The following TRPC1 variants were observed in gnomAD, a reference collection of about 807,000 sequenced individuals.
TRPC1 encodes the protein short transient receptor potential channel 1.
TRPC1 carries 42 observed loss-of-function variants against 88.2 expected under a neutral mutation model. That is an observed-to-expected ratio of 0.48 (90% CI 0.37 to 0.62). The LOEUF is 0.62. Among genes scored for constraint, TRPC1 ranks in the 20% least tolerant of loss-of-function variants. The pLI is 0.00. For synonymous variants in TRPC1, 288 were observed against 331.8 expected, an observed-to-expected ratio of 0.87 and a Z score of 1.43; for missense variants, 699 against 957.3, an observed-to-expected ratio of 0.73 and a Z score of 3.56.
At chr3:142,763,228 T>G (rs936842307) in intron 4 of TRPC1, among the ~76,000 whole-genome samples, 1 of 152,104 alleles carries the variant, frequency 6.6e-6, no homozygotes, top group Admixed American at 6.6e-5. Context: ...TTGTTGATTT[T>G]CTGTCTAGAT....
chr3:142,804,324 G>C, intron 11 of TRPC1, 112 bp from the exon 12 acceptor site: 1 of 1,155,178 alleles, frequency 8.7e-7, no homozygotes, highest in East Asian at 2.7e-5. Flanking sequence ...TGTAAGTAAT[G>C]TATAATAATT....
intron 2 of TRPC1, among the ~76,000 whole-genome samples, chr3:142,737,835 A>G (rs1934196626): frequency 6.6e-6 from 1 of 152,154 alleles, no homozygotes; most frequent in South Asian, 2.1e-4. Flanking sequence ...GAAAGACTGT[A>G]TATATGTGTG....
In TRPC1 at chr3:142,724,138, A is replaced by C. The variant is rs1261407918; in HGVS notation, c.-422A>C. ...CACAGCCCTGGAGCCCAACGTGCGC[A>C]GAAGCGCCTCTTGGAGCTCCTCTCC... is the stretch of plus-strand genomic sequence containing the variant. On this transcript the variant is annotated 5_prime_UTR_variant, in exon 1 of 13. Coordinates refer to ENST00000476941, the MANE Select transcript of TRPC1 (RefSeq NM_001251845.2). This position sits in a 1 kb window ranked among gnomAD's most constrained non-coding sequence, Gnocchi z 5.6. 1 of 152,358 alleles carries C rather than the reference A, an allele frequency of 6.6e-6. No individual in the cohort carries two copies. Among genetic ancestry groups the C allele is most frequent in the East Asian group, 1.9e-4 (1 of 5,186 alleles). 9.4% of individuals were successfully genotyped at this position (152,358 alleles called of 1,614,324 possible). A position where few individuals can be genotyped will look rare whatever the true frequency, so the allele number is the denominator to read the frequency against.
At chr3:142,728,763 T>A (rs932381225) in intron 1 of TRPC1, among the ~76,000 whole-genome samples, 1 of 152,268 alleles carries the variant, frequency 6.6e-6, no homozygotes, top group South Asian at 2.1e-4. Context: ...TGCTGTTTTT[T>A]AAACACCTTA....
chr3:142,766,467 C>T (rs1323720631), intron 4 of TRPC1, among the ~76,000 whole-genome samples: 6 of 149,578 alleles, frequency 4.0e-5, no homozygotes, highest in East Asian at 3.9e-4. Context: ...GTGTTGCGAT[C>T]TCAGCTCACT....
intron 1 of TRPC1, among the ~76,000 whole-genome samples, chr3:142,730,850 G>A (rs1933875632): frequency 6.6e-6 from 1 of 152,028 alleles, no homozygotes; most frequent in Non-Finnish European, 1.5e-5. Flanking sequence ...CAGAAACTTG[G>A]TTTGAAAAGC....
chr3:142,753,392 C>T (rs906051894), intron 4 of TRPC1, among the ~76,000 whole-genome samples: 1 of 152,104 alleles, frequency 6.6e-6, no homozygotes, highest in African/African-American at 2.4e-5. Context: ...AACATTTGTA[C>T]GAAATGGCAA....
At chr3:142,797,787 T>C (rs1032040168) in intron 9 of TRPC1, among the ~76,000 whole-genome samples, 2 of 152,142 alleles carry the variant, frequency 1.3e-5, no homozygotes, top group African/African-American at 4.8e-5. Context: ...TCCATTCCTT[T>C]TATAGTTAGT....
In TRPC1 at chr3:142,806,978, C is replaced by T. The variant is rs1936813360; in HGVS notation, c.*743C>T. Reference sequence around the variant, plus strand: ...AGAATTATATAGTTTTTGAAAAATACAGTCAGTAGATGTTTTATTTTTTAG... The same window carrying T: ...AGAATTATATAGTTTTTGAAAAATATAGTCAGTAGATGTTTTATTTTTTAG... On this transcript the variant is annotated 3_prime_UTR_variant, in exon 13 of 13. Transcript: ENST00000476941. The T allele has an allele frequency of 6.6e-6, 1 of 151,896 alleles. No homozygotes were observed. The highest frequency in any genetic ancestry group is 2.1e-4 in the South Asian group (1 of 4,826). 9.4% of individuals were successfully genotyped at this position (151,896 alleles called of 1,614,324 possible). A position where few individuals can be genotyped will look rare whatever the true frequency, so the allele number is the denominator to read the frequency against.
chr3:142,732,312 C>T (rs918957242), intron 1 of TRPC1, among the ~76,000 whole-genome samples: 1 of 152,060 alleles, frequency 6.6e-6, no homozygotes, highest in African/African-American at 2.4e-5. Flanking sequence ...TTGGCTGGAA[C>T]AAAAGTAAAT....
chr3:142,754,874 A>T (rs1934902816), intron 4 of TRPC1, among the ~76,000 whole-genome samples: 1 of 152,192 alleles, frequency 6.6e-6, no homozygotes, highest in African/African-American at 2.4e-5. Context: ...GATGATGATG[A>T]GGGAGTATTG....
At chr3:142,746,921 A>G (rs1454711641) in intron 3 of TRPC1, among the ~76,000 whole-genome samples, 1 of 152,098 alleles carries the variant, frequency 6.6e-6, no homozygotes, top group Non-Finnish European at 1.5e-5. Flanking sequence ...TATGTTAATG[A>G]GATAATCCTA....
At chr3:142,793,008 C>T in intron 9 of TRPC1, 41 bp downstream of exon 9, 3 of 1,469,606 alleles carry the variant, frequency 2.0e-6, no homozygotes, top group Non-Finnish European at 2.7e-6. Context: ...TTTTAGATGT[C>T]ATTATTGTTA....
chr3:142,748,259 A>G lies in TRPC1; in HGVS notation c.431A>G (p.Lys144Arg). The G allele has an allele frequency of 6.2e-7, 1 of 1,610,976 alleles. No individual in the cohort carries two copies. Among genetic ancestry groups the G allele is most frequent in the African/African-American group, 1.3e-5 (1 of 74,986 alleles). ...GACATTTATATAAATATTTTTCAGA[A>G]ACTAATGGAACGAATTCAGAATCCT... Reference protein sequence around the residue: ...PKRSSRPTIVKLMERIQNPEY... With the variant: ...PKRSSRPTIVRLMERIQNPEY... Residue 144 changes from lysine to arginine, a missense_variant and splice_region_variant, in exon 4 of 13, where the codon AAA (lysine) becomes AGA (arginine). Around this residue, in one of 4 missense-constraint regions of TRPC1, gnomAD observed 426 missense variants for 641.3 expected, o/e 0.66. Transcript: ENST00000476941.
intron 4 of TRPC1, among the ~76,000 whole-genome samples, chr3:142,754,210 GA>G (rs1382421561): frequency 2.0e-5 from 3 of 151,350 alleles, no homozygotes; most frequent in African/African-American, 7.3e-5. Context: ...TTGTAGTTTA[GA>G]AAAACATTTT....
intron 3 of TRPC1, among the ~76,000 whole-genome samples, chr3:142,746,550 G>A (rs1934562689): frequency 2.0e-5 from 3 of 152,112 alleles, no homozygotes; most frequent in Non-Finnish European, 4.4e-5. Flanking sequence ...AGTCATAAAA[G>A]AGGAGGAAAA....
chr3:142,769,089 T>G (rs1405341694), intron 4 of TRPC1, among the ~76,000 whole-genome samples: 4 of 152,166 alleles, frequency 2.6e-5, no homozygotes, highest in African/African-American at 9.7e-5. Flanking sequence ...ATCTGAAAAT[T>G]CTGTTAGTAT....
At chr3:142,771,071 A>C (rs1240718922) in intron 4 of TRPC1, among the ~76,000 whole-genome samples, 1 of 152,096 alleles carries the variant, frequency 6.6e-6, no homozygotes, top group Non-Finnish European at 1.5e-5. Context: ...GTGGGAATGA[A>C]TACAGCAAGA....
chr3:142,773,654 G>C (rs1935658209), intron 4 of TRPC1, among the ~76,000 whole-genome samples: 1 of 133,452 alleles, frequency 7.5e-6, no homozygotes, highest in Admixed American at 8.1e-5. Flanking sequence ...TTAATTTTTT[G>C]GTTGGAAACT....
Sources: allele counts gnomAD v4.1 joint callset (sites outside exome capture counted in the v4.1 genomes callset), GRCh38; gene constraint gnomAD v4.1.1; regional missense constraint gnomAD v4.1.1; non-coding constraint Gnocchi (gnomAD v3.1); transcripts MANE v1.5; gene names NCBI Gene and HGNC (gene_info 2026-07-23, HGNC 2026-07-21).